PTH2R: variants seen among roughly 807,000 people sequenced by gnomAD.
PTH2R encodes the protein PTH2 receptor.
In PTH2R, 59 loss-of-function variants were observed where a neutral mutation model predicts 60.3. That is an observed-to-expected ratio of 0.98 (90% CI 0.79 to 1.22). The LOEUF is 1.22. Ranked by LOEUF, PTH2R falls within the 50% of genes most tolerant of loss-of-function variation. The pLI is 0.00. For missense variants in PTH2R, 749 were observed against 682.6 expected, an observed-to-expected ratio of 1.10 and a Z score of -1.08; for synonymous variants, 256 against 243.8, an observed-to-expected ratio of 1.05 and a Z score of -0.47.
rs186127710 is a variant in PTH2R, at chr2:208,464,647, C to T, written c.981+4686C>T. Among the ~76,000 whole-genome samples, 4 of 152,236 alleles carry T rather than the reference C, an allele frequency of 2.6e-5. No homozygotes were observed. In the East Asian group the frequency reaches 7.7e-4, roughly 29 times the overall value. The stretch of plus-strand genomic sequence containing the variant: ...CAGGCCTGCCCTTCTGTTGAATGTG[C>T]AGGCTGAAATTTTACTGGGCAGGCT... On this transcript the variant is annotated intron_variant, in intron 9 of 12. Coordinates refer to ENST00000272847, the MANE Select transcript of PTH2R (RefSeq NM_005048.4).
intron 2 of PTH2R, among the ~76,000 whole-genome samples, chr2:208,429,009 C>T (rs1318064500): frequency 2.0e-5 from 3 of 151,196 alleles, no homozygotes; most frequent in Admixed American, 6.6e-5. Context: ...CGCTTGAACC[C>T]GGGAGGTGGA....
chr2:208,384,440 G>A (rs2125878344), intron 1 of PTH2R, among the ~76,000 whole-genome samples: 1 of 152,258 alleles, frequency 6.6e-6, no homozygotes, highest in South Asian at 2.1e-4. Context: ...CATAATGAAA[G>A]GTGTTCTCAG....
intron 1 of PTH2R, among the ~76,000 whole-genome samples, chr2:208,388,142 C>CCT (rs1266436685): frequency 1.3e-5 from 2 of 148,432 alleles, no homozygotes; most frequent in Admixed American, 6.7e-5. Flanking sequence ...ACCCCCCCCC[C>CCT]CGTCTCTACT....
chr2:208,414,974 G>A (rs1701611044), intron 1 of PTH2R, among the ~76,000 whole-genome samples: 1 of 152,076 alleles, frequency 6.6e-6, no homozygotes. Flanking sequence ...AAATAAAAAT[G>A]AGGAAAGCCT....
chr2:208,435,812 C>T (rs1176135706), intron 2 of PTH2R, among the ~76,000 whole-genome samples: 1 of 152,184 alleles, frequency 6.6e-6, no homozygotes, highest in Non-Finnish European at 1.5e-5. Context: ...AGACTGTTGA[C>T]CTACAGAAAT....
chr2:208,467,387 G>A (rs942353513), intron 9 of PTH2R, among the ~76,000 whole-genome samples: 1 of 152,012 alleles, frequency 6.6e-6, no homozygotes, highest in African/African-American at 2.4e-5. Context: ...AACACTTTTA[G>A]TATTAAGTTA....
intron 1 of PTH2R, among the ~76,000 whole-genome samples, chr2:208,407,646 T>A (rs1381694293): frequency 6.6e-6 from 1 of 152,266 alleles, no homozygotes; most frequent in Non-Finnish European, 1.5e-5. Context: ...TTGTTAATGT[T>A]AAGCGGTGGC....
At chr2:208,361,936 T>A (rs1444840341) in intron 1 of PTH2R, among the ~76,000 whole-genome samples, 2 of 152,200 alleles carry the variant, frequency 1.3e-5, no homozygotes, top group Non-Finnish European at 2.9e-5. Context: ...CTGGGTATGT[T>A]AGTGAGGCTG....
intron 9 of PTH2R, among the ~76,000 whole-genome samples, chr2:208,470,433 G>T (rs981839745): frequency 6.6e-6 from 1 of 151,430 alleles, no homozygotes; most frequent in Non-Finnish European, 1.5e-5. Context: ...TGTTGTGGGA[G>T]AGATCTGTGG....
chr2:208,417,711 G>A (rs560618701), intron 1 of PTH2R, among the ~76,000 whole-genome samples: 7 of 151,966 alleles, frequency 4.6e-5, no homozygotes, highest in East Asian at 3.9e-4. Flanking sequence ...CACCATGCCC[G>A]GCTACAAACG....
chr2:208,485,825 A>G (rs866113383), intron 10 of PTH2R, among the ~76,000 whole-genome samples: 2 of 152,164 alleles, frequency 1.3e-5, no homozygotes, highest in Non-Finnish European at 2.9e-5. Context: ...AGTTTACTTT[A>G]TATGACAAAG....
intron 9 of PTH2R, 129 bp from the exon 10 acceptor site, chr2:208,480,941 T>G (rs1377907): frequency 0.65 from 399,005 of 617,348 alleles, 132,978 homozygotes; most frequent in Admixed American, 0.71. Flanking sequence ...TGATCTCAGG[T>G]TCCCCTGTTC....
rs574556746 is a variant in PTH2R, at chr2:208,479,793, T to C, written c.982-1277T>C. On this transcript the variant is annotated intron_variant, in intron 9 of 12. Transcript: ENST00000272847. ...CAAATTCTAGCCGATTGGTGGATAT[T>C]CCAGGTTAAAGCAGTTAATCTCTTT... Among the ~76,000 whole-genome samples the C allele has an allele frequency of 3.2e-3, 492 of 152,342 alleles. 2 individuals carry two copies. The highest frequency in any genetic ancestry group is 5.5e-3 in the Non-Finnish European group (377 of 68,028).
rs551925599 is a variant in PTH2R at position 208,422,158 on chromosome 2, G to T, written c.76-6043G>T. 1.1e-4 allele frequency among the ~76,000 whole-genome samples: 17 copies of T among 152,024 alleles called. No individual in the cohort carries two copies. In the South Asian group the frequency reaches 3.3e-3, roughly 30 times the overall value. On this transcript the variant is annotated intron_variant, in intron 1 of 12. Coordinates refer to ENST00000272847, the MANE Select transcript of PTH2R (RefSeq NM_005048.4). ...GATGAGATGAAATGTTGCCAGGAAG[G>T]GAAAAAAAGGGTGCAAATTCCTTCT...
At chr2:208,390,673 A>G (rs1701093002) in intron 1 of PTH2R, among the ~76,000 whole-genome samples, 2 of 152,214 alleles carry the variant, frequency 1.3e-5, no homozygotes, top group Non-Finnish European at 2.9e-5. Context: ...ACAGTAATTG[A>G]GATTCTCTGT....
At chr2:208,372,732 G>T (rs1050036994) in intron 1 of PTH2R, among the ~76,000 whole-genome samples, 1 of 152,024 alleles carries the variant, frequency 6.6e-6, no homozygotes, top group African/African-American at 2.4e-5. Context: ...AGTACACAAA[G>T]AATTCTATTA....
At chr2:208,459,766 ATTTC>A (rs1254185923) in intron 8 of PTH2R, 125 bp from the exon 9 acceptor site, 2 of 750,890 alleles carry the variant, frequency 2.7e-6, no homozygotes, top group African/African-American at 1.8e-5. Context: ...TTAAGATAAG[ATTTC>A]TTTGTCTATT....
At chr2:208,408,995 G>C (rs934664730) in intron 1 of PTH2R, among the ~76,000 whole-genome samples, 1 of 152,070 alleles carries the variant, frequency 6.6e-6, no homozygotes, top group African/African-American at 2.4e-5. Context: ...CTATCCACTA[G>C]ATGCCAGTAG....
intron 9 of PTH2R, among the ~76,000 whole-genome samples, chr2:208,477,797 T>C (rs1475604868): frequency 6.6e-6 from 1 of 151,738 alleles, no homozygotes; most frequent in African/African-American, 2.4e-5. Flanking sequence ...TCAAGCAAAA[T>C]TTTTCCTACA....
Sources: gnomAD v4.1 joint callset for allele counts (sites outside exome capture counted in the v4.1 genomes callset) on GRCh38, gnomAD v4.1.1 for gene constraint, MANE v1.5 for transcripts, NCBI Gene and HGNC (gene_info 2026-07-23, HGNC 2026-07-21) for gene names.